The following OR3A2 variants were observed in gnomAD, a reference collection of about 807,000 sequenced individuals.
OR3A2 encodes the protein olfactory receptor 3A2.
For missense variants in OR3A2, 318 were observed against 392.8 expected (o/e 0.81, Z 1.61); for synonymous variants, 126 against 159.3 (o/e 0.79, Z 1.57).
chr17:3,288,246 C>CAAAAAAAAAAAAAAAAAAAAA, upstream of OR3A2, among the ~76,000 whole-genome samples: 2 of 73,484 alleles, frequency 2.7e-5, no homozygotes, highest in African/African-American at 4.5e-5. Flanking sequence ...ACCAAAAGGG[C>CAAAAAAAAAAAAAAAAAAAAA]AAAAAAAAAA....
chr17:3,326,057 C>T (rs1005162739), intron 3 of OR3A2, among the ~76,000 whole-genome samples: 6 of 152,038 alleles, frequency 3.9e-5, no homozygotes, highest in East Asian at 1.9e-4. Context: ...TTTCTGTGCC[C>T]GCATTAGTTT....
intron 2 of OR3A2, among the ~76,000 whole-genome samples, chr17:3,360,373 T>A (rs531018948): frequency 4.6e-5 from 7 of 151,900 alleles, no homozygotes; most frequent in Middle Eastern, 3.4e-3. Flanking sequence ...AGGTTGCCTG[T>A]TCACCCTGAT....
At chr17:3,378,751 T>C (rs915568435) in intron 2 of OR3A2, among the ~76,000 whole-genome samples, 2 of 152,114 alleles carry the variant, frequency 1.3e-5, no homozygotes, top group Non-Finnish European at 2.9e-5. Flanking sequence ...CTTCCACTTT[T>C]CTTCTTGTTT....
At chr17:3,330,017 C>A (rs993944271) in intron 3 of OR3A2, among the ~76,000 whole-genome samples, 21 of 147,034 alleles carry the variant, frequency 1.4e-4, no homozygotes, top group Admixed American at 1.4e-3. Context: ...TGTAGTTGAG[C>A]GGTTTTGAGT....
chr17:3,344,228 C>T (rs2049344686), intron 2 of OR3A2, among the ~76,000 whole-genome samples: 1 of 152,112 alleles, frequency 6.6e-6, no homozygotes, highest in Admixed American at 6.6e-5. Flanking sequence ...CTGGCTGAGA[C>T]TTGTGAGCTA....
intron 2 of OR3A2, among the ~76,000 whole-genome samples, chr17:3,346,777 G>C (rs1233727463): frequency 6.6e-6 from 1 of 152,000 alleles, no homozygotes; most frequent in Non-Finnish European, 1.5e-5. Flanking sequence ...CCACAAATAA[G>C]TGAGAACACA....
At chr17:3,384,809 TG>T (rs2049765154) in intron 1 of OR3A2, among the ~76,000 whole-genome samples, 1 of 152,150 alleles carries the variant, frequency 6.6e-6, no homozygotes, top group South Asian at 2.1e-4. Context: ...TGGCTGCTTT[TG>T]CACTGCAACT....
intron 2 of OR3A2, among the ~76,000 whole-genome samples, chr17:3,340,575 GT>G (rs1010645817): frequency 1.1e-4 from 17 of 152,310 alleles, no homozygotes; most frequent in Middle Eastern, 3.4e-3. Context: ...TACTTGTGTG[GT>G]TTTGAGTGAG....
At chr17:3,303,664 G>T (rs1267420789) in intron 3 of OR3A2, among the ~76,000 whole-genome samples, 1 of 151,354 alleles carries the variant, frequency 6.6e-6, no homozygotes. Context: ...AGGATCGCTT[G>T]AACACGGAAG....
At chr17:3,319,585 C>G (rs1462370573) in intron 3 of OR3A2, among the ~76,000 whole-genome samples, 1 of 152,104 alleles carries the variant, frequency 6.6e-6, no homozygotes. Context: ...TCCATGTGTT[C>G]TCACTGTTGA....
At chr17:3,368,942 A>T (rs1326833875) in intron 2 of OR3A2, among the ~76,000 whole-genome samples, 1 of 151,978 alleles carries the variant, frequency 6.6e-6, no homozygotes, top group Non-Finnish European at 1.5e-5. Context: ...CCTTGTAGAG[A>T]TCTTTCATCT....
chr17:3,320,669 G>C (rs1041246463), intron 3 of OR3A2, among the ~76,000 whole-genome samples: 20 of 151,834 alleles, frequency 1.3e-4, no homozygotes, highest in Non-Finnish European at 2.2e-4. Flanking sequence ...TCTCAGGTTT[G>C]TCAAAGATCA....
intron 3 of OR3A2, chr17:3,291,290 G>A: frequency 4.7e-6 from 1 of 211,220 alleles, no homozygotes; most frequent in Non-Finnish European, 9.4e-6. Flanking sequence ...GTTTTCTGGG[G>A]TACTTCTGGC....
At chr17:3,375,235 T>TTTC (rs1321995415) in intron 2 of OR3A2, among the ~76,000 whole-genome samples, 4,093 of 77,572 alleles carry the variant, frequency 0.053, 577 homozygotes, top group African/African-American at 0.17. Flanking sequence ...TTTTTCTTTT[T>TTTC]TTTTTTTTTT....
At chr17:3,362,489 A>G (rs2049527182) in intron 2 of OR3A2, among the ~76,000 whole-genome samples, 1 of 151,458 alleles carries the variant, frequency 6.6e-6, no homozygotes, top group African/African-American at 2.4e-5. Flanking sequence ...TTGCTTCTCT[A>G]GTTCTTTTCA....
At chr17:3,375,116 T>A (rs2049668588) in intron 2 of OR3A2, among the ~76,000 whole-genome samples, 1 of 143,324 alleles carries the variant, frequency 7.0e-6, no homozygotes, top group African/African-American at 2.5e-5. Context: ...GAATTCTTTA[T>A]CTGGCAATTC....
intron 3 of OR3A2, among the ~76,000 whole-genome samples, chr17:3,305,612 A>T (rs1191929074): frequency 6.6e-6 from 1 of 152,148 alleles, no homozygotes; most frequent in Non-Finnish European, 1.5e-5. Flanking sequence ...AAAACTAAGT[A>T]TGCAATGGTT....
intron 2 of OR3A2, among the ~76,000 whole-genome samples, chr17:3,372,041 G>A (rs1474462732): frequency 2.2e-5 from 3 of 137,194 alleles, no homozygotes; most frequent in African/African-American, 5.8e-5. Flanking sequence ...GCGGCTGCCG[G>A]GCGGAGGGGC....
chr17:3,340,346 T>C lies in OR3A2; in HGVS notation c.-178-4220A>G, dbSNP rs1460612695. Among the ~76,000 whole-genome samples, 6 of 152,304 alleles carry C rather than the reference T, an allele frequency of 3.9e-5. No individual in the cohort carries two copies. The East Asian group carries it at 9.6e-4, about 24-fold the overall frequency. On this transcript the variant is annotated intron_variant, in intron 2 of 4. Coordinates refer to the OR3A2 transcript ENST00000573491. Reference sequence around the variant, plus strand: ...GTTTGCTCTTGCTTCTCTAGTTCTTTTCATTGTGATGTTAGGGTGTCAATT... The same window carrying C: ...GTTTGCTCTTGCTTCTCTAGTTCTTCTCATTGTGATGTTAGGGTGTCAATT...
Sources: allele counts gnomAD v4.1 joint callset (sites outside exome capture counted in the v4.1 genomes callset), GRCh38; gene constraint gnomAD v4.1.1; transcripts MANE v1.5; gene names NCBI Gene and HGNC (gene_info 2026-07-23, HGNC 2026-07-21).